TBC1D8: variants seen among roughly 807,000 people sequenced by gnomAD.
TBC1D8 encodes TBC1 domain family member 8.
TBC1D8 carries 65 observed loss-of-function variants against 118.8 expected under a neutral mutation model. The observed-to-expected ratio is 0.55, with a 90% CI of 0.45 to 0.67. The LOEUF is 0.67. Among genes scored for constraint, TBC1D8 ranks in the 30% least tolerant of loss-of-function variants. The pLI is 0.00. For missense variants in TBC1D8, 1,376 were observed against 1,471.2 expected, an observed-to-expected ratio of 0.94 and a Z score of 1.06; for synonymous variants, 566 against 595.8, an observed-to-expected ratio of 0.95 and a Z score of 0.73.
At chr2:101,108,712 G>T (rs969176478) in intron 1 of TBC1D8, among the ~76,000 whole-genome samples, 6 of 151,714 alleles carry the variant, frequency 4.0e-5, no homozygotes, top group Non-Finnish European at 7.4e-5. Context: ...GATCACATTG[G>T]CACCCCACCC....
chr2:101,062,460 CTTTG>C (rs1041382700), intron 2 of TBC1D8, among the ~76,000 whole-genome samples: 17 of 152,162 alleles, frequency 1.1e-4, no homozygotes, highest in African/African-American at 3.6e-4. Flanking sequence ...GAAGACTCAC[CTTTG>C]TGGTGCTAGT....
chr2:101,049,993 A>AT (rs1216317786), intron 5 of TBC1D8, among the ~76,000 whole-genome samples: 1 of 151,502 alleles, frequency 6.6e-6, no homozygotes, highest in Non-Finnish European at 1.5e-5. Flanking sequence ...CACCCAGCCA[A>AT]TTTTTTTGTA....
chr2:101,121,777 G>A (rs1028129005), intron 1 of TBC1D8, among the ~76,000 whole-genome samples: 3 of 152,174 alleles, frequency 2.0e-5, no homozygotes, highest in Admixed American at 6.5e-5. Flanking sequence ...TTATATAAAC[G>A]AAATGCGGCC....
At chr2:101,053,022 TCA>T (rs1682168766) in intron 4 of TBC1D8, among the ~76,000 whole-genome samples, 1 of 152,246 alleles carries the variant, frequency 6.6e-6, no homozygotes, top group African/African-American at 2.4e-5. Flanking sequence ...AGGAGCTTGT[TCA>T]CACAGAGAAA....
At chr2:101,093,762 T>C (rs1248928489) in intron 1 of TBC1D8, among the ~76,000 whole-genome samples, 2 of 150,510 alleles carry the variant, frequency 1.3e-5, no homozygotes, top group Non-Finnish European at 3.0e-5. Context: ...CAGGTTGGAG[T>C]GCGGTGGCAC....
chr2:101,014,989 C>CACTT (rs34574973), intron 17 of TBC1D8, among the ~76,000 whole-genome samples: 36,472 of 151,908 alleles, frequency 0.24, 4,553 homozygotes, highest in Middle Eastern at 0.33. Context: ...AGTCATGTGT[C>CACTT]AATGAGAGGA....
chr2:101,048,668 G>GAA (rs1681857580), intron 5 of TBC1D8, among the ~76,000 whole-genome samples: 1 of 9,660 alleles, frequency 1.0e-4, no homozygotes, highest in Non-Finnish European at 2.4e-4. Flanking sequence ...GGCCATGAAT[G>GAA]GACACTCTCT....
rs548456494 is a variant in TBC1D8, at chr2:101,020,542, A to G, written c.2827+1139T>C. The stretch of plus-strand genomic sequence containing the variant: ...ATAAATAATAAACAATTTGCACTCA[A>G]GTCATAATAGTGCATATTGTCAATG... On this transcript the variant is annotated intron_variant, in intron 17 of 19. Transcript: ENST00000409318. Among the ~76,000 whole-genome samples, 8 of 150,518 alleles carry G rather than the reference A, an allele frequency of 5.3e-5. No individual in the cohort carries two copies. The East Asian group carries it at 1.3e-3, about 25-fold the overall frequency.
chr2:101,142,895 A>C (rs1679167477), intron 1 of TBC1D8, among the ~76,000 whole-genome samples: 1 of 152,120 alleles, frequency 6.6e-6, no homozygotes, highest in Non-Finnish European at 1.5e-5. Flanking sequence ...TTTTACTTAC[A>C]GGTGGTAGAT....
At chr2:101,036,334 C>T (rs935452960) in intron 8 of TBC1D8, among the ~76,000 whole-genome samples, 166 bp from the exon 9 acceptor site, 9 of 152,148 alleles carry the variant, frequency 5.9e-5, no homozygotes, top group Non-Finnish European at 1.3e-4. Flanking sequence ...TGAACCTTTA[C>T]TGGGGGCACA....
chr2:101,125,532 G>T (rs1678311638), intron 1 of TBC1D8, among the ~76,000 whole-genome samples: 1 of 152,126 alleles, frequency 6.6e-6, no homozygotes, highest in Non-Finnish European at 1.5e-5. Flanking sequence ...CTGTTCCAAA[G>T]AAAGTCCTGG....
Position 101,131,708 on chromosome 2 carries a change from G to C in TBC1D8, c.127+19419C>G, listed in dbSNP as rs189822988. On this transcript the variant is annotated intron_variant, in intron 1 of 19. Coordinates refer to ENST00000409318, the MANE Select transcript of TBC1D8 (RefSeq NM_001330348.2). ...TGGGCGCCTGTAGTCCCAGCTACTC[G>C]GGAGGCTAAGGCAGGAGAATGACGT... 1.5e-4 allele frequency among the ~76,000 whole-genome samples: 23 copies of C among 151,990 alleles called. 1 individual carries two copies. The highest frequency in any genetic ancestry group is 6.6e-5 in the Admixed American group (1 of 15,258).
chr2:101,042,207 C>A (rs1290370085), intron 5 of TBC1D8, among the ~76,000 whole-genome samples: 1 of 152,058 alleles, frequency 6.6e-6, no homozygotes, highest in African/African-American at 2.4e-5. Context: ...TCCTAACCCC[C>A]AGGCAACCCC....
chr2:101,062,592 T>G (rs993393078), intron 2 of TBC1D8, among the ~76,000 whole-genome samples: 1 of 152,222 alleles, frequency 6.6e-6, no homozygotes, highest in Admixed American at 6.5e-5. Context: ...AATGACTCTC[T>G]ACAACTTCAA....
chr2:101,078,979 G>A (rs1053236771), intron 2 of TBC1D8, among the ~76,000 whole-genome samples: 1 of 151,986 alleles, frequency 6.6e-6, no homozygotes, highest in Non-Finnish European at 1.5e-5. Context: ...CCCTGAAGTG[G>A]GCCCCCGGGG....
At chr2:101,072,740 GTGCACT>G (rs1674534610) in intron 2 of TBC1D8, among the ~76,000 whole-genome samples, 1 of 152,252 alleles carries the variant, frequency 6.6e-6, no homozygotes, top group Admixed American at 6.5e-5. Flanking sequence ...AGGCAGTAAT[GTGCACT>G]TGCCTGCCGC....
intron 15 of TBC1D8, among the ~76,000 whole-genome samples, chr2:101,025,169 C>T (rs1224423037): frequency 6.6e-6 from 1 of 151,646 alleles, no homozygotes; most frequent in African/African-American, 2.4e-5. Context: ...CATTGTTAAC[C>T]GTAATTATCT....
At chr2:101,124,114 C>T (rs1179354186) in intron 1 of TBC1D8, among the ~76,000 whole-genome samples, 3 of 152,208 alleles carry the variant, frequency 2.0e-5, no homozygotes, top group African/African-American at 7.2e-5. Context: ...CATAAACCCT[C>T]TGTCAACCAG....
At chr2:101,070,435 T>TA (rs1252254140) in intron 2 of TBC1D8, among the ~76,000 whole-genome samples, 5 of 143,904 alleles carry the variant, frequency 3.5e-5, no homozygotes, top group Admixed American at 1.4e-4. Flanking sequence ...TTTTTTGAGA[T>TA]AGAGTCTCAC....
Sources: allele counts gnomAD v4.1 joint callset (sites outside exome capture counted in the v4.1 genomes callset), GRCh38; gene constraint gnomAD v4.1.1; transcripts MANE v1.5; gene names NCBI Gene and HGNC (gene_info 2026-07-23, HGNC 2026-07-21).